FGGY: variants seen among roughly 807,000 people sequenced by gnomAD.
FGGY encodes FGGY carbohydrate kinase domain-containing protein.
Under a neutral mutation model 71.3 loss-of-function variants are expected in FGGY, and 72 were observed. The ratio of observed to expected loss-of-function variants is 1.01; its 90% CI spans 0.84 to 1.23. The LOEUF (loss-of-function observed/expected upper bound fraction) is 1.23, where lower values mean the gene tolerates loss of function less well. Ranked by LOEUF, FGGY falls within the 50% of genes most tolerant of loss-of-function variation. The pLI, the probability that FGGY is intolerant of heterozygous loss-of-function variation, is 0.00. For synonymous variants in FGGY, 251 were observed against 250.3 expected (o/e 1.00, Z -0.02); for missense variants, 668 against 682.3 (o/e 0.98, Z 0.23).
intron 14 of FGGY, among the ~76,000 whole-genome samples, chr1:59,684,262 C>T (rs946531696): frequency 6.6e-6 from 1 of 152,194 alleles, no homozygotes; most frequent in African/African-American, 2.4e-5. Flanking sequence ...CAAATCTTGG[C>T]TCAGCCACTT....
chr1:59,409,596 TTTTA>T (rs765174695), intron 5 of FGGY, among the ~76,000 whole-genome samples: 179 of 84,038 alleles, frequency 2.1e-3, no homozygotes, highest in African/African-American at 6.6e-3. Flanking sequence ...AGGAAGAGTT[TTTTA>T]TATATATATA....
At chr1:59,393,200 T>G (rs1262865230) in intron 5 of FGGY, 2 of 152,178 alleles carry the variant, frequency 1.3e-5, no homozygotes, top group Admixed American at 1.3e-4. Context: ...AATATTGAGC[T>G]GGAGATAGTT....
intron 14 of FGGY, among the ~76,000 whole-genome samples, chr1:59,706,125 G>A (rs186806277): frequency 9.5e-4 from 144 of 152,296 alleles, no homozygotes; most frequent in Admixed American, 1.7e-3. Flanking sequence ...ATTGTGGATC[G>A]TAAACTCACT....
intron 3 of FGGY, among the ~76,000 whole-genome samples, chr1:59,345,513 T>C (rs1570715508): frequency 6.6e-6 from 1 of 152,288 alleles, no homozygotes; most frequent in East Asian, 1.9e-4. Context: ...TTCTCCTCCT[T>C]ATGATTTTCT....
chr1:59,610,096 G>A (rs991486853), intron 9 of FGGY, among the ~76,000 whole-genome samples: 6 of 152,116 alleles, frequency 3.9e-5, no homozygotes, highest in Admixed American at 6.6e-5. Flanking sequence ...TTTCAGTTCC[G>A]GGATACAAGT....
intron 10 of FGGY, among the ~76,000 whole-genome samples, chr1:59,633,486 G>A (rs1321600395): frequency 6.6e-6 from 1 of 152,194 alleles, no homozygotes; most frequent in African/African-American, 2.4e-5. Flanking sequence ...ATAGGGGCAT[G>A]TGTAGGGAAG....
At chr1:59,339,832 T>G (rs1338031647) in intron 2 of FGGY, 126 bp from the exon 3 acceptor site, 1 of 600,912 alleles carries the variant, frequency 1.7e-6, no homozygotes, top group Non-Finnish European at 2.9e-6. Flanking sequence ...TGATACTAAA[T>G]TTTTATCTGT....
chr1:59,522,582 G>A (rs751046007), intron 7 of FGGY, among the ~76,000 whole-genome samples: 8 of 152,146 alleles, frequency 5.3e-5, no homozygotes, highest in Non-Finnish European at 1.2e-4. Context: ...CAATATTAAT[G>A]TTGACGTTAA....
At chr1:59,637,191 GA>G (rs2096968625) in intron 10 of FGGY, among the ~76,000 whole-genome samples, 1 of 152,146 alleles carries the variant, frequency 6.6e-6, no homozygotes, top group Non-Finnish European at 1.5e-5. Context: ...CCATTTTACC[GA>G]GCTAGGAGAG....
At chr1:59,613,682 C>G (rs905402822) in intron 9 of FGGY, among the ~76,000 whole-genome samples, 1 of 152,158 alleles carries the variant, frequency 6.6e-6, no homozygotes, top group East Asian at 1.9e-4. Context: ...ACACAAAAAA[C>G]CCTTCAAAAA....
intron 2 of FGGY, among the ~76,000 whole-genome samples, chr1:59,339,534 G>A (rs2050236842): frequency 1.3e-5 from 2 of 151,550 alleles, no homozygotes; most frequent in Admixed American, 6.6e-5. Flanking sequence ...GCGTGATCTC[G>A]GCTCACTGTA....
intron 14 of FGGY, chr1:59,755,172 T>C (rs1449126653): frequency 6.6e-6 from 1 of 152,236 alleles, no homozygotes; most frequent in Non-Finnish European, 1.5e-5. Context: ...GCACCCTTCT[T>C]GCACATTCTT....
At chr1:59,436,754 T>G (rs1351313055) in intron 5 of FGGY, among the ~76,000 whole-genome samples, 1 of 152,126 alleles carries the variant, frequency 6.6e-6, no homozygotes, top group Non-Finnish European at 1.5e-5. Context: ...CTGGGTAAAG[T>G]TGAATGACGG....
chr1:59,395,939 C>T (rs1216713915), intron 5 of FGGY, among the ~76,000 whole-genome samples: 1 of 152,130 alleles, frequency 6.6e-6, no homozygotes, highest in Non-Finnish European at 1.5e-5. Flanking sequence ...CAACAGAGAC[C>T]TATTTCTCTA....
intron 14 of FGGY, among the ~76,000 whole-genome samples, chr1:59,737,253 G>A (rs1558952193): frequency 2.0e-5 from 3 of 152,234 alleles, no homozygotes; most frequent in African/African-American, 7.2e-5. Context: ...CAGTGTGGAA[G>A]GGAAATGTGG....
chr1:59,366,975 A>G (rs543405957), intron 4 of FGGY, among the ~76,000 whole-genome samples: 4 of 152,330 alleles, frequency 2.6e-5, no homozygotes, highest in Admixed American at 1.3e-4. Flanking sequence ...GGAGGGTGTT[A>G]GGAGATGAGC....
chr1:59,745,815 G>GT (rs1220614145), intron 14 of FGGY, among the ~76,000 whole-genome samples: 2 of 152,220 alleles, frequency 1.3e-5, no homozygotes, highest in African/African-American at 4.8e-5. Context: ...AGAAAATGAA[G>GT]TGATGGAGAT....
intron 9 of FGGY, among the ~76,000 whole-genome samples, chr1:59,617,287 T>C (rs1457298255): frequency 2.6e-5 from 4 of 151,914 alleles, no homozygotes; most frequent in African/African-American, 7.2e-5. Context: ...GGAAAAGAAA[T>C]GAAAAATATA....
At chr1:59,456,832 G>A (rs935949294) in intron 5 of FGGY, 129 bp from the exon 6 acceptor site, 2 of 606,758 alleles carry the variant, frequency 3.3e-6, no homozygotes, top group African/African-American at 3.7e-5. Flanking sequence ...GCAGGGATGT[G>A]TCATTATCTA....
Sources: allele counts gnomAD v4.1 joint callset (sites outside exome capture counted in the v4.1 genomes callset), GRCh38; gene constraint gnomAD v4.1.1; transcripts MANE v1.5; gene names NCBI Gene and HGNC (gene_info 2026-07-23, HGNC 2026-07-21).